NR6A1: variants seen among roughly 807,000 people sequenced by gnomAD.
NR6A1 encodes retinoic acid receptor-related testis-associated receptor.
A neutral mutation model predicts 59.1 loss-of-function variants in NR6A1; 7 were observed. The observed-to-expected ratio is 0.12, with a 90% CI of 0.07 to 0.22. NR6A1 has a LOEUF of 0.22. Among genes scored for constraint, NR6A1 ranks in the 10% least tolerant of loss-of-function variants. The pLI, the probability that NR6A1 is intolerant of heterozygous loss-of-function variation, is 1.00. For synonymous variants in NR6A1, 243 were observed against 236.1 expected (o/e 1.03, Z -0.27); for missense variants, 468 against 611.6 (o/e 0.77, Z 2.48).
intron 2 of NR6A1, among the ~76,000 whole-genome samples, chr9:124,598,313 C>A (rs1835336336): frequency 6.7e-6 from 1 of 150,164 alleles, no homozygotes. Flanking sequence ...ATAGTCACTG[C>A]ACTCCAGCTT....
rs140958442 is a variant in NR6A1 at position 124,740,321 on chromosome 9, G to A, written c.101-6972C>T. Among the ~76,000 whole-genome samples, 8 of 152,226 alleles carry A rather than the reference G, an allele frequency of 5.3e-5. No individual in the cohort carries two copies. In the East Asian group the frequency reaches 1.5e-3, roughly 29 times the overall value. ...ATGGCTGAAACTATAGTTTTTCAGG[G>A]ACCTATGAGGAAGAAAAAGACTGGT... On this transcript the variant is annotated intron_variant, in intron 1 of 9. Coordinates refer to ENST00000487099, the MANE Select transcript of NR6A1 (RefSeq NM_033334.4).
intron 5 of NR6A1, 102 bp from the exon 6 acceptor site, chr9:124,538,421 G>T (rs1469837907): frequency 9.8e-6 from 8 of 818,620 alleles, no homozygotes; most frequent in Non-Finnish European, 1.6e-5. Context: ...TGAACATGAG[G>T]TATGTGTCTT....
At chr9:124,601,904 C>T (rs1041402093) in intron 2 of NR6A1, among the ~76,000 whole-genome samples, 1 of 147,998 alleles carries the variant, frequency 6.8e-6, no homozygotes, top group Non-Finnish European at 1.5e-5. Flanking sequence ...ACTGTGATCA[C>T]GCCACTGCAC....
intron 2 of NR6A1, among the ~76,000 whole-genome samples, chr9:124,649,400 C>G (rs1171655009): frequency 3.3e-5 from 5 of 152,038 alleles, no homozygotes; most frequent in Non-Finnish European, 7.4e-5. Context: ...GCGAGATGTC[C>G]ATATGCAGAA....
chr9:124,654,751 C>T (rs1588747793), intron 2 of NR6A1, among the ~76,000 whole-genome samples: 1 of 152,136 alleles, frequency 6.6e-6, no homozygotes, highest in Non-Finnish European at 1.5e-5. Flanking sequence ...TCATGTTTCA[C>T]TTCATAGTAC....
chr9:124,694,427 A>T (rs75572415), intron 2 of NR6A1, among the ~76,000 whole-genome samples: 5,677 of 152,280 alleles, frequency 0.037, 239 homozygotes, highest in East Asian at 0.15. Flanking sequence ...GCTATATAGT[A>T]TGACTTAATA....
chr9:124,563,344 C>A (rs1280991749), intron 2 of NR6A1, among the ~76,000 whole-genome samples: 1 of 152,144 alleles, frequency 6.6e-6, no homozygotes, highest in Non-Finnish European at 1.5e-5. Context: ...CAGTGGAGTA[C>A]TGGATCACAA....
chr9:124,750,854 G>A (rs1173818107), intron 1 of NR6A1, among the ~76,000 whole-genome samples: 1 of 152,124 alleles, frequency 6.6e-6, no homozygotes, highest in Non-Finnish European at 1.5e-5. Context: ...GACCATACTT[G>A]TCTCCACGGC....
intron 2 of NR6A1, among the ~76,000 whole-genome samples, chr9:124,684,818 C>A (rs1838279549): frequency 6.6e-6 from 1 of 152,172 alleles, no homozygotes; most frequent in Non-Finnish European, 1.5e-5. Context: ...CAACACCACT[C>A]AGTACTGCTT....
rs887407568 is a variant in NR6A1 at position 124,598,941 on chromosome 9, A to T, written c.143-44371T>A. On this transcript the variant is annotated intron_variant, in intron 2 of 9. Transcript: ENST00000487099. ...TTGGGGCACTCGTCGTTCCAGACTC[A>T]GGCATGGTCATTACCCACGTTGGGT... The T allele has an allele frequency of 1.6e-5, 11 of 704,930 alleles. No individual in the cohort carries two copies. The Admixed American group carries it at 2.2e-4, about 14-fold the overall frequency. The allele number at this position is 704,930 out of a possible 1,614,324, so 43.7% of individuals were successfully genotyped here. A position where few individuals can be genotyped will look rare whatever the true frequency, so the allele number is the denominator to read the frequency against.
At chr9:124,582,589 A>G (rs1188011528) in intron 2 of NR6A1, among the ~76,000 whole-genome samples, 1 of 152,166 alleles carries the variant, frequency 6.6e-6, no homozygotes, top group Admixed American at 6.5e-5. Flanking sequence ...TAAAAAAAAA[A>G]AAAGAAATGG....
At chr9:124,690,505 A>C (rs950143965) in intron 2 of NR6A1, among the ~76,000 whole-genome samples, 12 of 152,146 alleles carry the variant, frequency 7.9e-5, no homozygotes, top group Admixed American at 1.3e-4. Flanking sequence ...ATCAAGAGTT[A>C]AATAGTTGGA....
chr9:124,603,027 T>A (rs1451810087), intron 2 of NR6A1, among the ~76,000 whole-genome samples: 1 of 152,204 alleles, frequency 6.6e-6, no homozygotes, highest in Non-Finnish European at 1.5e-5. Context: ...TGGACTCAAT[T>A]TAAAAATCAC....
Position 124,562,808 on chromosome 9 carries a change from G to T in NR6A1, c.143-8238C>A, listed in dbSNP as rs1447392461. ...CTGATATGGTTGGCCTAGAAGATTA[G>T]TAACAATCTGAACCAGCTACAGAGC... On this transcript the variant is annotated intron_variant, in intron 2 of 9. Coordinates refer to ENST00000487099, the MANE Select transcript of NR6A1 (RefSeq NM_033334.4). Among the ~76,000 whole-genome samples, 9 of 152,272 alleles carry T rather than the reference G, an allele frequency of 5.9e-5. No homozygotes were observed. The East Asian group carries it at 1.7e-3, about 29-fold the overall frequency.
At chr9:124,667,371 A>G (rs1177745870) in intron 2 of NR6A1, among the ~76,000 whole-genome samples, 1 of 152,136 alleles carries the variant, frequency 6.6e-6, no homozygotes, top group African/African-American at 2.4e-5. Flanking sequence ...ATATGAGAAT[A>G]TACATGAATA....
intron 3 of NR6A1, among the ~76,000 whole-genome samples, chr9:124,549,058 G>C (rs959130708): frequency 6.6e-6 from 1 of 152,202 alleles, no homozygotes; most frequent in African/African-American, 2.4e-5. Context: ...GAGGGAAACA[G>C]ATGAGTGAAC....
intron 2 of NR6A1, among the ~76,000 whole-genome samples, chr9:124,703,506 C>A (rs1377582110): frequency 6.6e-6 from 1 of 152,058 alleles, no homozygotes; most frequent in Non-Finnish European, 1.5e-5. Flanking sequence ...CTGTGCCCAG[C>A]CCATCCTACC....
intron 2 of NR6A1, among the ~76,000 whole-genome samples, chr9:124,577,180 C>A (rs921277468): frequency 1.3e-5 from 2 of 152,174 alleles, no homozygotes; most frequent in Non-Finnish European, 2.9e-5. Context: ...TTATAGGCCT[C>A]TATTAGAGAG....
intron 2 of NR6A1, among the ~76,000 whole-genome samples, chr9:124,589,803 A>C (rs979216698): frequency 2.0e-5 from 3 of 152,176 alleles, no homozygotes; most frequent in African/African-American, 7.2e-5. Flanking sequence ...ACCTTGGCTC[A>C]TGCCTGTAAT....
Sources: gnomAD v4.1 joint callset for allele counts (sites outside exome capture counted in the v4.1 genomes callset) on GRCh38, gnomAD v4.1.1 for gene constraint, MANE v1.5 for transcripts, NCBI Gene and HGNC (gene_info 2026-07-23, HGNC 2026-07-21) for gene names.